Variants in FHIP2A observed in about 807,000 individuals in gnomAD.
FHIP2A encodes family with sequence similarity 160 member B1.
Under a neutral mutation model 93.5 loss-of-function variants are expected in FHIP2A, and 46 were observed. The ratio of observed to expected loss-of-function variants is 0.49; its 90% CI spans 0.39 to 0.63. FHIP2A has a LOEUF of 0.63. FHIP2A is among the 20% of genes least tolerant of loss of function. The pLI is 0.00. For synonymous variants in FHIP2A, 332 were observed against 326.5 expected, an observed-to-expected ratio of 1.02 and a Z score of -0.18; for missense variants, 769 against 909.7, an observed-to-expected ratio of 0.85 and a Z score of 1.99.
chr10:114,827,543 A>T (rs1425940759), intron 1 of FHIP2A, among the ~76,000 whole-genome samples: 1 of 152,228 alleles, frequency 6.6e-6, no homozygotes, highest in African/African-American at 2.4e-5. Flanking sequence ...CACGCCTGTA[A>T]TCCCAGCACT....
intron 16 of FHIP2A, among the ~76,000 whole-genome samples, chr10:114,890,021 T>G (rs771638372): frequency 6.6e-6 from 1 of 151,370 alleles, no homozygotes; most frequent in Non-Finnish European, 1.5e-5. Context: ...CTTGATTGTC[T>G]ATATATTTTC....
chr10:114,864,691 AAAAT>A lies in FHIP2A; in HGVS notation c.*3158_*3161del. On this transcript the variant is annotated 3_prime_UTR_variant, in exon 17 of 17. Coordinates refer to ENST00000369248, the MANE Select transcript of FHIP2A (RefSeq NM_020940.4). Reference sequence around the variant, plus strand: ...TGCAGGACTAAGAGGGATGATCTAAAAAATAAATAATGTAATTTAAACAAAACGT... The same window carrying A: ...TGCAGGACTAAGAGGGATGATCTAAAAAATAATGTAATTTAAACAAAACGT... The A allele has an allele frequency of 3.0e-6, 3 of 984,774 alleles. No homozygotes were observed. The highest frequency in any genetic ancestry group is 3.6e-6 in the Non-Finnish European group (3 of 829,232). 61.0% of individuals were successfully genotyped at this position (984,774 alleles called of 1,614,324 possible).
chr10:114,871,622 A>C (rs2083860703), intron 16 of FHIP2A, among the ~76,000 whole-genome samples: 1 of 152,074 alleles, frequency 6.6e-6, no homozygotes, highest in Non-Finnish European at 1.5e-5. Flanking sequence ...CTATTACATA[A>C]TTGCTATTTT....
At chr10:114,870,379 TAA>T (rs1349122621) in intron 16 of FHIP2A, among the ~76,000 whole-genome samples, 134 of 133,868 alleles carry the variant, frequency 1.0e-3, no homozygotes, top group Non-Finnish European at 7.9e-4. Flanking sequence ...TGATTTTAAA[TAA>T]AATATATATA....
At chr10:114,822,570 C>T (rs1399847762) in intron 1 of FHIP2A, among the ~76,000 whole-genome samples, 1 of 152,224 alleles carries the variant, frequency 6.6e-6, no homozygotes, top group African/African-American at 2.4e-5. Context: ...GAGCAAGCAC[C>T]GCTTGGGCTT....
chr10:114,847,699 C>G (rs186697647), intron 12 of FHIP2A, among the ~76,000 whole-genome samples: 1 of 151,650 alleles, frequency 6.6e-6, no homozygotes, highest in African/African-American at 2.4e-5. Context: ...GAGAAAAGCT[C>G]TACTTAATAT....
intron 3 of FHIP2A, among the ~76,000 whole-genome samples, chr10:114,834,889 T>C (rs1160895932): frequency 1.3e-5 from 2 of 152,200 alleles, no homozygotes; most frequent in East Asian, 1.9e-4. Context: ...ATATAGTATT[T>C]CCAGGATGCA....
At chr10:114,852,244 A>G (rs187566112) in intron 13 of FHIP2A, among the ~76,000 whole-genome samples, 2 of 152,122 alleles carry the variant, frequency 1.3e-5, no homozygotes, top group East Asian at 3.9e-4. Flanking sequence ...CCTCTTTTCT[A>G]TCTTCATTCC....
intron 16 of FHIP2A, among the ~76,000 whole-genome samples, chr10:114,889,161 G>A (rs542805812): frequency 7.2e-5 from 11 of 152,240 alleles, no homozygotes; most frequent in African/African-American, 2.6e-4. Flanking sequence ...CCGCATCATT[G>A]CTAATGTGTG....
At chr10:114,856,530 T>C (rs576984475) in intron 14 of FHIP2A, among the ~76,000 whole-genome samples, 19 of 152,306 alleles carry the variant, frequency 1.2e-4, no homozygotes, top group African/African-American at 4.1e-4. Flanking sequence ...GCTTGTTGCT[T>C]GATTAAGCTA....
intron 8 of FHIP2A, among the ~76,000 whole-genome samples, chr10:114,845,749 G>A (rs553943757): frequency 6.6e-6 from 1 of 152,184 alleles, no homozygotes; most frequent in African/African-American, 2.4e-5. Flanking sequence ...CTTCAGTCCT[G>A]CTCTTTGGTG....
rs1041482372 is a variant in FHIP2A at position 114,863,350 on chromosome 10, A to G, written c.*1810A>G. On this transcript the variant is annotated 3_prime_UTR_variant, in exon 17 of 17. Coordinates refer to ENST00000369248, the MANE Select transcript of FHIP2A (RefSeq NM_020940.4). Reference sequence around the variant, plus strand: ...TATGAGTATTTAAACTAAGGCATTAAGAGATATTAGATATTTCTTAATGTT... The same window carrying G: ...TATGAGTATTTAAACTAAGGCATTAGGAGATATTAGATATTTCTTAATGTT... 2 of 986,938 alleles carry G rather than the reference A, an allele frequency of 2.0e-6. No individual in the cohort carries two copies. Among genetic ancestry groups the G allele is most frequent in the Non-Finnish European group, 2.4e-6 (2 of 829,002 alleles). 61.1% of individuals were successfully genotyped at this position (986,938 alleles called of 1,614,324 possible).
Position 114,844,979 on chromosome 10 carries a change from T to TAG in FHIP2A, c.1014-373_1014-372dup, listed in dbSNP as rs10540980. Reference sequence around the variant, plus strand: ...TTTTTTTTTTTTTTTGTATTTTTAGTAGAGAGAGAGAGAGAGTTTCATCAT... The same window carrying TAG: ...TTTTTTTTTTTTTTTGTATTTTTAGTAGAGAGAGAGAGAGAGAGTTTCATCAT... On this transcript the variant is annotated intron_variant, in intron 7 of 16. Transcript: ENST00000369248. 1.4e-3 allele frequency among the ~76,000 whole-genome samples: 200 copies of TAG among 143,896 alleles called. 2 individuals carry two copies. The highest frequency in any genetic ancestry group is 0.011 in the Middle Eastern group (3 of 280). The allele number at this position is 143,896 out of a possible 152,430, so 94.4% of individuals were successfully genotyped here. A position where few individuals can be genotyped will look rare whatever the true frequency, so the allele number is the denominator to read the frequency against.
chr10:114,836,300 G>A, intron 5 of FHIP2A, 54 bp downstream of exon 5: 2 of 1,365,374 alleles, frequency 1.5e-6, no homozygotes, highest in Non-Finnish European at 2.0e-6. Context: ...AGATCATTAT[G>A]AAAATTGAAT....
intron 13 of FHIP2A, among the ~76,000 whole-genome samples, chr10:114,851,421 CA>C (rs2083735150): frequency 6.6e-6 from 1 of 151,962 alleles, no homozygotes; most frequent in Non-Finnish European, 1.5e-5. Context: ...GGTCCAGATT[CA>C]TTTTTTTTAC....
intron 16 of FHIP2A, among the ~76,000 whole-genome samples, chr10:114,875,752 GAGAA>G (rs779425416): frequency 1.1e-3 from 155 of 140,458 alleles, no homozygotes; most frequent in East Asian, 3.1e-3. Flanking sequence ...AAGAAAGAAA[GAGAA>G]AGAAAGAAAG....
At position 114,830,838 on chromosome 10, in the gene FHIP2A, TTTTG is replaced by T; in HGVS notation, c.46-8_46-5del. 1 of 1,583,852 alleles carries T rather than the reference TTTTG, an allele frequency of 6.3e-7. No homozygotes were observed. The highest frequency in any genetic ancestry group is 2.2e-5 in the East Asian group (1 of 44,522). The stretch of plus-strand genomic sequence containing the variant: ...TGCCATTTTCTTAATTGTTGTGGTC[TTTTG>T]TTTGTGTAGCTTGCACCTTCTCTTC... On this transcript the variant is annotated splice_polypyrimidine_tract_variant and intron_variant, in intron 1 of 16. Coordinates refer to ENST00000369248, the MANE Select transcript of FHIP2A (RefSeq NM_020940.4).
chr10:114,844,554 A>T (rs2083688861), intron 7 of FHIP2A, among the ~76,000 whole-genome samples: 1 of 152,076 alleles, frequency 6.6e-6, no homozygotes, highest in Non-Finnish European at 1.5e-5. Context: ...TTCTGTCAAC[A>T]TCTATAGGGC....
rs1209046687 is a variant in FHIP2A at position 114,843,742 on chromosome 10, A to G, written c.818A>G (p.Asp273Gly). ...NSLLNLTRSP[D>G]GRIAVKACEG... ...AAGGGGGATTTTTTTTTCCTTTAGG[A>G]TGGCAGAATAGCTGTGAAGGCATGT... The change falls in exon 7 of 17, where the codon GAT (aspartate) becomes GGT (glycine). Residue 273 changes from aspartate (D) to glycine (G), a missense_variant and splice_region_variant. Asp to Gly is a moderately conservative substitution (Grantham distance 94). Coordinates refer to ENST00000369248, the MANE Select transcript of FHIP2A (RefSeq NM_020940.4). The G allele has an allele frequency of 2.0e-6, 3 of 1,522,904 alleles. No homozygotes were observed. The highest frequency in any genetic ancestry group is 1.4e-5 in the African/African-American group (1 of 71,208). 94.3% of individuals were successfully genotyped at this position (1,522,904 alleles called of 1,614,324 possible).
Sources: gnomAD v4.1 joint callset for allele counts (sites outside exome capture counted in the v4.1 genomes callset) on GRCh38, gnomAD v4.1.1 for gene constraint, MANE v1.5 for transcripts, NCBI Gene and HGNC (gene_info 2026-07-23, HGNC 2026-07-21) for gene names.